DLEU7: variants seen among roughly 807,000 people sequenced by gnomAD.
DLEU7 encodes the protein leukemia-associated protein 7.
In DLEU7, 17 loss-of-function variants were observed where a neutral mutation model predicts 16.0. The ratio of observed to expected loss-of-function variants is 1.06; its 90% confidence interval spans 0.73 to 1.59. The LOEUF (loss-of-function observed/expected upper bound fraction) is 1.59. Ranked by LOEUF, DLEU7 falls within the 40% of genes most tolerant of loss-of-function variation. The pLI is 0.00. For synonymous variants in DLEU7, 113 were observed against 139.8 expected, an observed-to-expected ratio of 0.81 and a Z score of 1.35; for missense variants, 308 against 314.9, an observed-to-expected ratio of 0.98 and a Z score of 0.17.
intron 1 of DLEU7, among the ~76,000 whole-genome samples, chr13:50,780,300 G>A (rs765254164): frequency 2.5e-4 from 38 of 152,158 alleles, no homozygotes; most frequent in Non-Finnish European, 4.3e-4. Flanking sequence ...ACTGCTCTGT[G>A]CGTTGTAGCA....
At chr13:50,774,438 A>C (rs935538253) in intron 1 of DLEU7, among the ~76,000 whole-genome samples, 1 of 152,090 alleles carries the variant, frequency 6.6e-6, no homozygotes, top group African/African-American at 2.4e-5. Context: ...ATATTTTTCC[A>C]TGTCTTCTAG....
intron 1 of DLEU7, among the ~76,000 whole-genome samples, chr13:50,760,728 C>A (rs1307076877): frequency 6.6e-6 from 1 of 152,146 alleles, no homozygotes; most frequent in African/African-American, 2.4e-5. Flanking sequence ...AAGCAAATTT[C>A]TAAATGTGAT....
At chr13:50,714,332 G>T (rs1873376829) in intron 1 of DLEU7, among the ~76,000 whole-genome samples, 1 of 152,038 alleles carries the variant, frequency 6.6e-6, no homozygotes, top group Non-Finnish European at 1.5e-5. Flanking sequence ...TCTCTTTCTG[G>T]GATCTCAACT....
At chr13:50,755,723 A>AT (rs1207889192) in intron 1 of DLEU7, among the ~76,000 whole-genome samples, 1 of 150,854 alleles carries the variant, frequency 6.6e-6, no homozygotes, top group Non-Finnish European at 1.5e-5. Context: ...GTTTGTATCC[A>AT]TTGCTGGTGA....
At position 50,843,199 on chromosome 13, in the gene DLEU7, TG is replaced by T; in HGVS notation, c.447del (p.Ile150PhefsTer3). On this transcript the variant is annotated frameshift_variant, in exon 1 of 2. Transcript: ENST00000504404. LOFTEE classifies it high-confidence loss of function. The surrounding 1 kb of genome is among the most constrained non-coding windows in gnomAD (Gnocchi z 5.7). ...LGPLQQERSF[P>X]IHLKDSVEFR... ...GGGGCCAGACTCACCTTCAGGTGAATGGGAAAGGACCGCTCCTGCTGGAGGG... is the reference window on the plus strand; with the variant it reads ...GGGGCCAGACTCACCTTCAGGTGAATGGAAAGGACCGCTCCTGCTGGAGGG... 1 of 1,592,288 alleles carries T rather than the reference TG, an allele frequency of 6.3e-7. No homozygotes were observed. Among genetic ancestry groups the T allele is most frequent in the Non-Finnish European group, 8.5e-7 (1 of 1,170,378 alleles).
chr13:50,783,335 C>T (rs1875706739), intron 1 of DLEU7, among the ~76,000 whole-genome samples: 1 of 152,156 alleles, frequency 6.6e-6, no homozygotes, highest in Admixed American at 6.6e-5. Context: ...AAAATCTAAA[C>T]TTCCTGGCCT....
intron 1 of DLEU7, among the ~76,000 whole-genome samples, chr13:50,736,710 G>A (rs1874080102): frequency 6.6e-6 from 1 of 151,808 alleles, no homozygotes; most frequent in African/African-American, 2.4e-5. Flanking sequence ...TAAAAGGAAA[G>A]AAATTTAGCA....
chr13:50,833,741 A>C (rs930924108), intron 1 of DLEU7, among the ~76,000 whole-genome samples: 1 of 152,182 alleles, frequency 6.6e-6, no homozygotes, highest in African/African-American at 2.4e-5. Context: ...AGACAATCCT[A>C]AGCCAAAAGA....
intron 1 of DLEU7, among the ~76,000 whole-genome samples, chr13:50,714,629 G>A (rs914496678): frequency 6.6e-6 from 1 of 152,158 alleles, no homozygotes; most frequent in Non-Finnish European, 1.5e-5. Flanking sequence ...TACGCAAGGG[G>A]AGACTTGTAA....
chr13:50,712,171 C>A (rs914956813), exon 2 of DLEU7: 2 of 152,200 alleles, frequency 1.3e-5, no homozygotes, highest in Non-Finnish European at 2.9e-5. Flanking sequence ...TAGCAAACAA[C>A]TTCTGGGCCA....
At chr13:50,838,782 G>T (rs1042655469) in intron 1 of DLEU7, among the ~76,000 whole-genome samples, 4 of 152,196 alleles carry the variant, frequency 2.6e-5, no homozygotes, top group African/African-American at 7.2e-5. Context: ...GAAGTTACAA[G>T]GTGGCTTGAA....
chr13:50,787,793 C>A (rs1483376755), intron 1 of DLEU7, among the ~76,000 whole-genome samples: 1 of 152,052 alleles, frequency 6.6e-6, no homozygotes, highest in Non-Finnish European at 1.5e-5. Context: ...AGACCAGTTC[C>A]ACCCCCATCT....
rs555169790 is a variant in DLEU7, at chr13:50,725,818, AT to A, written c.460-12579del. On this transcript the variant is annotated intron_variant, in intron 1 of 1. Transcript: ENST00000400393. ...TTTTCTGTACTACATCAACCAGTGG[AT>A]TTTTTTTTTATTTCACTAAGTCAAA... Among the ~76,000 whole-genome samples, 364 of 149,988 alleles carry A rather than the reference AT, an allele frequency of 2.4e-3. 2 individuals are homozygous for A. The highest frequency in any genetic ancestry group is 5.9e-3 in the Admixed American group (88 of 15,018).
At chr13:50,784,033 C>T (rs376271179) in intron 1 of DLEU7, among the ~76,000 whole-genome samples, 13 of 152,230 alleles carry the variant, frequency 8.5e-5, no homozygotes, top group Admixed American at 4.6e-4. Flanking sequence ...TTCAGCGACC[C>T]GCCCCCTGTG....
chr13:50,827,275 C>T (rs576616617), intron 1 of DLEU7, among the ~76,000 whole-genome samples: 2 of 152,160 alleles, frequency 1.3e-5, no homozygotes, highest in East Asian at 3.9e-4. Flanking sequence ...AGGTGGCAAG[C>T]TCATAAATAT....
chr13:50,817,022 A>C (rs9596379), intron 1 of DLEU7, among the ~76,000 whole-genome samples: 2,025 of 152,204 alleles, frequency 0.013, 46 homozygotes, highest in African/African-American at 0.045. Context: ...TACCAATCTA[A>C]GCCAACATTG....
intron 1 of DLEU7, among the ~76,000 whole-genome samples, chr13:50,764,803 T>TA (rs1307562270): frequency 6.6e-6 from 1 of 152,202 alleles, no homozygotes; most frequent in Non-Finnish European, 1.5e-5. Flanking sequence ...TCCATAAAGT[T>TA]AGAGTGTTCA....
chr13:50,786,560 G>A (rs1457929215), intron 1 of DLEU7, among the ~76,000 whole-genome samples: 1 of 152,126 alleles, frequency 6.6e-6, no homozygotes, highest in African/African-American at 2.4e-5. Context: ...GGAGAAAATT[G>A]CTCACTAATA....
At chr13:50,807,469 C>T (rs1290529572) in intron 1 of DLEU7, among the ~76,000 whole-genome samples, 1 of 151,796 alleles carries the variant, frequency 6.6e-6, no homozygotes, top group Non-Finnish European at 1.5e-5. Context: ...CTTTTCCAAA[C>T]ACAAATTTAA....
Sources: allele counts gnomAD v4.1 joint callset (sites outside exome capture counted in the v4.1 genomes callset), GRCh38; gene constraint gnomAD v4.1.1; non-coding constraint Gnocchi (gnomAD v3.1); transcripts MANE v1.5; gene names NCBI Gene and HGNC (gene_info 2026-07-23, HGNC 2026-07-21).